The following PGM5 variants were observed in gnomAD, a reference collection of about 807,000 sequenced individuals.
The protein encoded by PGM5 is phosphoglucomutase 5, also known as phosphoglucomutase-like protein 5.
In PGM5, 23 loss-of-function variants were observed where a neutral mutation model predicts 59.2. The observed-to-expected ratio is 0.39, with a 90% CI of 0.28 to 0.55. The LOEUF (loss-of-function observed/expected upper bound fraction) is 0.55, where lower values mean the gene tolerates loss of function less well. Ranked by LOEUF, PGM5 falls within the 20% of genes least tolerant of loss-of-function variation. The pLI, the probability that PGM5 is intolerant of heterozygous loss-of-function variation, is 0.66. For synonymous variants in PGM5, 214 were observed against 286.0 expected, an observed-to-expected ratio of 0.75 and a Z score of 2.54; for missense variants, 574 against 748.3, an observed-to-expected ratio of 0.77 and a Z score of 2.72.
intron 6 of PGM5, among the ~76,000 whole-genome samples, chr9:68,428,421 T>G (rs1823282912): frequency 6.6e-6 from 1 of 152,224 alleles, no homozygotes; most frequent in Non-Finnish European, 1.5e-5. Flanking sequence ...GATGGTTTCA[T>G]TATCCCAAAT....
intron 10 of PGM5, among the ~76,000 whole-genome samples, chr9:68,520,504 A>G (rs1027810296): frequency 2.0e-5 from 3 of 152,352 alleles, no homozygotes; most frequent in African/African-American, 7.2e-5. Context: ...ATAGGCACAT[A>G]TAGATATTAC....
chr9:68,462,086 A>C (rs1027475953), intron 6 of PGM5, among the ~76,000 whole-genome samples: 3 of 152,142 alleles, frequency 2.0e-5, no homozygotes, highest in Non-Finnish European at 4.4e-5. Flanking sequence ...TAAAATTCTG[A>C]CTAAAGAGTT....
chr9:68,445,642 A>G (rs1417891080), intron 6 of PGM5, among the ~76,000 whole-genome samples: 1 of 152,190 alleles, frequency 6.6e-6, no homozygotes, highest in Non-Finnish European at 1.5e-5. Context: ...AAGGGTAGAG[A>G]GTCTGCTGTG....
chr9:68,395,174 G>A (rs1822468424), intron 6 of PGM5, among the ~76,000 whole-genome samples: 1 of 152,032 alleles, frequency 6.6e-6, no homozygotes, highest in Non-Finnish European at 1.5e-5. Flanking sequence ...GTATAAGGTA[G>A]GGGTCGAGGT....
intron 6 of PGM5, among the ~76,000 whole-genome samples, chr9:68,450,286 A>AC (rs1823675475): frequency 6.6e-6 from 1 of 151,724 alleles, no homozygotes. Context: ...AAACAAAAAA[A>AC]CCACTGCTTT....
chr9:68,522,990 T>C (rs1229692281), intron 10 of PGM5, among the ~76,000 whole-genome samples: 2 of 152,236 alleles, frequency 1.3e-5, no homozygotes, highest in African/African-American at 4.8e-5. Flanking sequence ...GCCCTCATGG[T>C]TAATTAATTA....
intron 6 of PGM5, among the ~76,000 whole-genome samples, chr9:68,425,273 G>T (rs1205622638): frequency 1.3e-5 from 2 of 152,216 alleles, no homozygotes; most frequent in Non-Finnish European, 1.5e-5. Context: ...CATGGCAGAA[G>T]CATCCAAGCT....
intron 1 of PGM5, among the ~76,000 whole-genome samples, chr9:68,361,203 T>A (rs2777160): frequency 6.6e-6 from 1 of 152,312 alleles, no homozygotes; most frequent in East Asian, 1.9e-4. Flanking sequence ...GGCTGGTTTG[T>A]TCAAATTAGT....
intron 6 of PGM5, chr9:68,393,874 CA>C (rs1197998385): frequency 2.6e-5 from 4 of 151,926 alleles, no homozygotes; most frequent in Non-Finnish European, 5.9e-5. Context: ...TGTCCATCAA[CA>C]GGAGATTGCA....
At chr9:68,387,689 T>G in intron 4 of PGM5, 101 bp downstream of exon 4, 1 of 1,114,956 alleles carries the variant, frequency 9.0e-7, no homozygotes, top group South Asian at 1.4e-5. Flanking sequence ...TCATAGATAT[T>G]CACACAACAT....
At chr9:68,398,144 C>G (rs182249090) in intron 6 of PGM5, 1 of 152,236 alleles carries the variant, frequency 6.6e-6, no homozygotes, top group Admixed American at 6.6e-5. Flanking sequence ...TGTAATTACT[C>G]AGTCTCCCAT....
chr9:68,399,051 T>C (rs1345547805), intron 6 of PGM5: 1 of 152,226 alleles, frequency 6.6e-6, no homozygotes, highest in East Asian at 1.9e-4. Context: ...ATGTGACTAG[T>C]ACTATATAAG....
chr9:68,362,709 C>T (rs1347485287), intron 1 of PGM5, among the ~76,000 whole-genome samples: 1 of 152,076 alleles, frequency 6.6e-6, no homozygotes, highest in Non-Finnish European at 1.5e-5. Context: ...ACAATGACTA[C>T]AGGAATGCCT....
chr9:68,484,254 C>T (rs1192855936), intron 9 of PGM5, among the ~76,000 whole-genome samples: 1 of 151,744 alleles, frequency 6.6e-6, no homozygotes, highest in Non-Finnish European at 1.5e-5. Context: ...TTTCTGTGGC[C>T]AGGCACAGTG....
chr9:68,487,286 T>C (rs1346616363), intron 9 of PGM5, among the ~76,000 whole-genome samples: 1 of 152,136 alleles, frequency 6.6e-6, no homozygotes, highest in East Asian at 1.9e-4. Flanking sequence ...ACATGCATCA[T>C]GGGGAAAGTT....
chr9:68,471,855 G>T (rs1554686262), intron 7 of PGM5, among the ~76,000 whole-genome samples: 2 of 151,952 alleles, frequency 1.3e-5, no homozygotes, highest in Non-Finnish European at 1.5e-5. Flanking sequence ...GGAGATGGAG[G>T]TTGTGATGAG....
chr9:68,393,481 C>T (rs1822418475), intron 6 of PGM5, among the ~76,000 whole-genome samples: 1 of 152,084 alleles, frequency 6.6e-6, no homozygotes. Flanking sequence ...CGTGGCGACT[C>T]ACACCTGTAA....
At chr9:68,486,224 GT>G (rs1213537193) in intron 9 of PGM5, among the ~76,000 whole-genome samples, 54 of 151,772 alleles carry the variant, frequency 3.6e-4, no homozygotes, top group African/African-American at 1.2e-3. Context: ...TGCATAATTT[GT>G]TTTTTTTCAT....
intron 2 of PGM5, among the ~76,000 whole-genome samples, chr9:68,380,659 G>T (rs1168297193): frequency 6.6e-5 from 10 of 151,534 alleles, no homozygotes; most frequent in Admixed American, 4.6e-4. Context: ...ATCAAAAGTT[G>T]GTTCTTTGAA....
Sources: gnomAD v4.1 joint callset for allele counts (sites outside exome capture counted in the v4.1 genomes callset) on GRCh38, gnomAD v4.1.1 for gene constraint, MANE v1.5 for transcripts, NCBI Gene and HGNC (gene_info 2026-07-23, HGNC 2026-07-21) for gene names.